Variants in PAPPA observed in about 807,000 individuals in gnomAD.
PAPPA encodes pappalysin-1.
In PAPPA, 60 loss-of-function variants were observed where a neutral mutation model predicts 164.0. That is an observed-to-expected ratio of 0.37 (90% CI 0.30 to 0.45). The LOEUF (loss-of-function observed/expected upper bound fraction) is 0.45, where lower values mean the gene tolerates loss of function less well. Ranked by LOEUF, PAPPA falls within the 20% of genes least tolerant of loss-of-function variation. The probability of loss-of-function intolerance (pLI) is 1.00; values close to 1 mark genes in which losing one functional copy is unlikely to be tolerated. For missense variants in PAPPA, 1,782 were observed against 2,087.3 expected (o/e 0.85, Z 2.85); for synonymous variants, 875 against 814.1 (o/e 1.07, Z -1.27).
chr9:116,289,336 G>C (rs1467145888), intron 9 of PAPPA, among the ~76,000 whole-genome samples: 3 of 125,916 alleles, frequency 2.4e-5, no homozygotes, highest in African/African-American at 9.3e-5. Context: ...CATATATATA[G>C]CATATATATG....
At chr9:116,177,819 C>T (rs1211497789) in intron 1 of PAPPA, among the ~76,000 whole-genome samples, 3 of 152,184 alleles carry the variant, frequency 2.0e-5, no homozygotes, top group African/African-American at 7.2e-5. Flanking sequence ...CAAGGATGAA[C>T]AATAGTTCAT....
chr9:116,327,972 CA>C (rs1845941865), intron 10 of PAPPA, among the ~76,000 whole-genome samples: 1 of 152,126 alleles, frequency 6.6e-6, no homozygotes, highest in Non-Finnish European at 1.5e-5. Context: ...AAACACAAAA[CA>C]AAATAGGAAA....
chr9:116,359,252 A>C (rs1846391934), intron 17 of PAPPA, among the ~76,000 whole-genome samples: 3 of 152,184 alleles, frequency 2.0e-5, no homozygotes, highest in African/African-American at 7.2e-5. Context: ...GTATTGTTCA[A>C]GTGATTTTTA....
intron 1 of PAPPA, among the ~76,000 whole-genome samples, chr9:116,170,862 T>C (rs1054263606): frequency 2.8e-5 from 4 of 144,884 alleles, no homozygotes; most frequent in Admixed American, 2.1e-4. Context: ...TTCTTGTTTT[T>C]ATGCCGCTGT....
intron 19 of PAPPA, chr9:116,373,166 C>T (rs1183846660): frequency 6.6e-6 from 1 of 152,128 alleles, no homozygotes; most frequent in Non-Finnish European, 1.5e-5. Flanking sequence ...ACTAAGTGCA[C>T]TGGAGGGGAA....
intron 19 of PAPPA, among the ~76,000 whole-genome samples, chr9:116,370,320 T>C (rs191403516): frequency 6.6e-6 from 1 of 152,300 alleles, no homozygotes; most frequent in East Asian, 1.9e-4. Flanking sequence ...TATTAGTCTC[T>C]TCCTGCTTCC....
rs117687474 is a variant in PAPPA at position 116,180,652 on chromosome 9, A to G, written c.416-6502A>G. On this transcript the variant is annotated intron_variant, in intron 1 of 21. Coordinates refer to ENST00000328252, the MANE Select transcript of PAPPA (RefSeq NM_002581.5). ...ACAAACAATAATACGAATTGCATAT[A>G]AATTGTCATCCTTTGCTAATTATCT... 6.3e-3 allele frequency among the ~76,000 whole-genome samples: 966 copies of G among 152,276 alleles called. 40 individuals carry two copies. The East Asian group carries it at 0.11, about 18-fold the overall frequency.
chr9:116,209,906 A>C (rs1424224392), intron 3 of PAPPA, among the ~76,000 whole-genome samples: 2 of 152,186 alleles, frequency 1.3e-5, no homozygotes, highest in Non-Finnish European at 2.9e-5. Context: ...AACCTATGTC[A>C]GCTAACTCCA....
At chr9:116,320,665 G>A (rs561779146) in intron 10 of PAPPA, among the ~76,000 whole-genome samples, 5 of 152,126 alleles carry the variant, frequency 3.3e-5, no homozygotes, top group Non-Finnish European at 4.4e-5. Context: ...TGTTTCTAAT[G>A]GTTGGTAAAA....
chr9:116,188,725 GA>G (rs1234522452), intron 2 of PAPPA, among the ~76,000 whole-genome samples: 3 of 152,194 alleles, frequency 2.0e-5, no homozygotes, highest in Admixed American at 2.0e-4. Context: ...AGTCATCACA[GA>G]AAGTTCTGGT....
At chr9:116,184,854 A>G (rs1378230525) in intron 1 of PAPPA, among the ~76,000 whole-genome samples, 1 of 152,140 alleles carries the variant, frequency 6.6e-6, no homozygotes. Context: ...GGCTCTATTT[A>G]GAATCATTCC....
chr9:116,258,944 G>A (rs550985262), intron 7 of PAPPA, among the ~76,000 whole-genome samples: 1 of 151,948 alleles, frequency 6.6e-6, no homozygotes, highest in African/African-American at 2.4e-5. Flanking sequence ...AAGCAGCCTG[G>A]CCAACATGGT....
chr9:116,261,780 A>C (rs898602566), intron 7 of PAPPA, among the ~76,000 whole-genome samples: 1 of 152,210 alleles, frequency 6.6e-6, no homozygotes, highest in Non-Finnish European at 1.5e-5. Context: ...AGATCATATC[A>C]ACCAGAAATG....
intron 1 of PAPPA, among the ~76,000 whole-genome samples, chr9:116,176,996 T>G (rs1164326908): frequency 1.4e-5 from 2 of 145,724 alleles, no homozygotes; most frequent in Non-Finnish European, 3.0e-5. Flanking sequence ...ATTAGTGACA[T>G]TAAATTGACA....
At position 116,355,130 on chromosome 9, in the gene PAPPA, C is replaced by T. The variant is rs185349316; in HGVS notation, c.4347+1337C>T. 7.5e-3 allele frequency among the ~76,000 whole-genome samples: 1,137 copies of T among 152,330 alleles called. 6 individuals carry two copies. The highest frequency in any genetic ancestry group is 0.018 in the Admixed American group (279 of 15,302). Reference sequence around the variant, plus strand: ...CATTGGCCACACTGCGTTGTCACTGCCTGCTTTCATTCCACATCCCCACAC... The same window carrying T: ...CATTGGCCACACTGCGTTGTCACTGTCTGCTTTCATTCCACATCCCCACAC... On this transcript the variant is annotated intron_variant, in intron 17 of 21. Transcript: ENST00000328252.
chr9:116,328,688 A>C (rs1845951433), intron 10 of PAPPA, among the ~76,000 whole-genome samples: 2 of 152,218 alleles, frequency 1.3e-5, no homozygotes, highest in African/African-American at 4.8e-5. Context: ...ACAACAGGTG[A>C]GTGCAGATGC....
In PAPPA at chr9:116,400,317, G is replaced by T. The variant is rs1847032097; in HGVS notation, c.*3701G>T. ...GATTTCCCTAGAAGACATAGAGTGG[G>T]ATTTGATAACACTGTCTGTTATTTT... On this transcript the variant is annotated 3_prime_UTR_variant, in exon 22 of 22. Transcript: ENST00000328252. 1 of 152,154 alleles carries T rather than the reference G, an allele frequency of 6.6e-6. No individual in the cohort carries two copies. The highest frequency in any genetic ancestry group is 1.5e-5 in the Non-Finnish European group (1 of 68,028). The allele number at this position is 152,154 out of a possible 1,614,324, so 9.4% of individuals were successfully genotyped here.
chr9:116,229,442 A>T (rs148372568), intron 6 of PAPPA, among the ~76,000 whole-genome samples: 75 of 152,350 alleles, frequency 4.9e-4, no homozygotes, highest in African/African-American at 1.8e-3. Context: ...ACTCTTCTGT[A>T]TTCTTGAATT....
At chr9:116,385,321 C>T (rs1846794318) in intron 21 of PAPPA, among the ~76,000 whole-genome samples, 2 of 151,864 alleles carry the variant, frequency 1.3e-5, no homozygotes, top group South Asian at 4.2e-4. Flanking sequence ...AATCTCATGA[C>T]TTCATAGTCC....
Sources: allele counts gnomAD v4.1 joint callset (sites outside exome capture counted in the v4.1 genomes callset), GRCh38; gene constraint gnomAD v4.1.1; transcripts MANE v1.5; gene names NCBI Gene and HGNC (gene_info 2026-07-23, HGNC 2026-07-21).